ANXA8: variants seen among roughly 807,000 people sequenced by gnomAD.
ANXA8 encodes the protein annexin A8.
ANXA8 carries 9 observed loss-of-function variants against 26.8 expected under a neutral mutation model. The observed-to-expected ratio is 0.34, with a 90% CI of 0.20 to 0.59. ANXA8 has a LOEUF of 0.59. Among genes scored for constraint, ANXA8 ranks in the 20% least tolerant of loss-of-function variants. ANXA8 has a pLI of 0.84. For synonymous variants in ANXA8, 39 were observed against 94.8 expected, an observed-to-expected ratio of 0.41 and a Z score of 3.42; for missense variants, 83 against 238.5, an observed-to-expected ratio of 0.35 and a Z score of 4.29.
the ANXA8 span, among the ~76,000 whole-genome samples, chr10:47,731,182 G>C: frequency 6.6e-6 from 1 of 152,298 alleles, no homozygotes; most frequent in Non-Finnish European, 1.5e-5. Flanking sequence ...TTAATAGATT[G>C]TCATATTGCC....
the ANXA8 span, among the ~76,000 whole-genome samples, chr10:47,681,523 C>CTTTTT: frequency 1.2e-5 from 1 of 81,270 alleles, no homozygotes; most frequent in Non-Finnish European, 2.4e-5. Flanking sequence ...TTTATTTTTA[C>CTTTTT]TTTTTTTTTT....
the ANXA8 span, among the ~76,000 whole-genome samples, chr10:47,537,530 T>C: frequency 1.3e-3 from 187 of 145,586 alleles, no homozygotes; most frequent in Non-Finnish European, 1.9e-3. Flanking sequence ...GTTAATTCTA[T>C]AGTTCATGCA....
the ANXA8 span, among the ~76,000 whole-genome samples, chr10:47,577,529 C>T: frequency 1.6e-5 from 2 of 126,682 alleles, no homozygotes; most frequent in African/African-American, 6.1e-5. Flanking sequence ...AAAAAATTAG[C>T]TGGGCATGGT....
chr10:47,497,341 C>G, the ANXA8 span, among the ~76,000 whole-genome samples: 7 of 135,012 alleles, frequency 5.2e-5, no homozygotes, highest in South Asian at 1.7e-3. Context: ...AAAGGCCAGG[C>G]GCAATGGCTC....
chr10:47,694,638 C>A, the ANXA8 span, among the ~76,000 whole-genome samples: 1 of 151,716 alleles, frequency 6.6e-6, no homozygotes, highest in African/African-American at 2.4e-5. Context: ...CCGGGCTGGT[C>A]TCGAACTCCT....
chr10:47,686,686 C>T, the ANXA8 span, among the ~76,000 whole-genome samples: 3 of 151,918 alleles, frequency 2.0e-5, no homozygotes, highest in Non-Finnish European at 4.4e-5. Context: ...GTCTTAAGTA[C>T]AAAAGAATTC....
At chr10:47,648,107 A>G in the ANXA8 span, among the ~76,000 whole-genome samples, 1 of 151,856 alleles carries the variant, frequency 6.6e-6, no homozygotes, top group South Asian at 2.1e-4. Context: ...AAAAATTGGT[A>G]AACTGAAACA....
the ANXA8 span, among the ~76,000 whole-genome samples, chr10:47,977,455 A>C: frequency 2.0e-5 from 3 of 151,098 alleles, no homozygotes; most frequent in Non-Finnish European, 3.0e-5. Context: ...AAAAGCTGCC[A>C]TTAGAAACTT....
At chr10:47,599,333 C>G in the ANXA8 span, among the ~76,000 whole-genome samples, 4 of 142,662 alleles carry the variant, frequency 2.8e-5, no homozygotes, top group African/African-American at 5.6e-5. Flanking sequence ...TTGGGTAGAA[C>G]AGAAACTGTT....
chr10:47,546,183 A>C, the ANXA8 span, among the ~76,000 whole-genome samples: 1 of 140,358 alleles, frequency 7.1e-6, no homozygotes, highest in African/African-American at 2.6e-5. Flanking sequence ...TACGTACAGA[A>C]AACCAACCTC....
chr10:47,502,263 T>C, the ANXA8 span: 1 of 1,596,992 alleles, frequency 6.3e-7, no homozygotes, highest in Non-Finnish European at 8.5e-7. Context: ...TGCAGCCGTC[T>C]CCCTCCCCAC....
the ANXA8 span, among the ~76,000 whole-genome samples, chr10:47,976,661 A>G: frequency 1.6e-4 from 24 of 148,286 alleles, no homozygotes; most frequent in Non-Finnish European, 3.5e-4. Flanking sequence ...GCTCTCCAAA[A>G]ATCCCATCCT....
the ANXA8 span, among the ~76,000 whole-genome samples, chr10:47,888,975 AATAT>A: frequency 1.6e-5 from 1 of 62,152 alleles, no homozygotes; most frequent in African/African-American, 5.9e-5. Context: ...CTTATAATAT[AATAT>A]ATATGTGTGT....
At chr10:47,604,799 T>TA in the ANXA8 span, among the ~76,000 whole-genome samples, 1 of 152,300 alleles carries the variant, frequency 6.6e-6, no homozygotes, top group Non-Finnish European at 1.5e-5. Context: ...AGCATGGGAA[T>TA]AAAAGAAAGT....
At chr10:47,985,731 A>G in the ANXA8 span, 1 of 83,632 alleles carries the variant, frequency 1.2e-5, no homozygotes, top group Non-Finnish European at 2.7e-5. Context: ...CCCCAAAGCA[A>G]CTATTAAAAA....
At chr10:47,625,780 T>C in the ANXA8 span, among the ~76,000 whole-genome samples, 2 of 150,826 alleles carry the variant, frequency 1.3e-5, no homozygotes, top group South Asian at 2.1e-4. Context: ...AATGTATTGT[T>C]ATTCGCCGTA....
chr10:47,665,111 T>C, the ANXA8 span, among the ~76,000 whole-genome samples: 2 of 149,122 alleles, frequency 1.3e-5, no homozygotes, highest in African/African-American at 2.6e-5. Context: ...GGCCATAGTA[T>C]TAAGTTTGCA....
chr10:47,937,302 C>T, the ANXA8 span, among the ~76,000 whole-genome samples: 15 of 149,336 alleles, frequency 1.0e-4, no homozygotes, highest in East Asian at 5.8e-4. Flanking sequence ...GTCTGGAAGT[C>T]GCTAACTCTC....
At chr10:47,495,978 G>C in the ANXA8 span, among the ~76,000 whole-genome samples, 783 of 151,568 alleles carry the variant, frequency 5.2e-3, 15 homozygotes, top group African/African-American at 0.016. Flanking sequence ...CTGAGAGCAC[G>C]CCTTCCCAAG....
Sources: allele counts gnomAD v4.1 joint callset (sites outside exome capture counted in the v4.1 genomes callset), GRCh38; gene constraint gnomAD v4.1.1; transcripts MANE v1.5; gene names NCBI Gene and HGNC (gene_info 2026-07-23, HGNC 2026-07-21).